CNTN6: variants seen among roughly 807,000 people sequenced by gnomAD.
CNTN6 encodes the protein contactin 6.
A neutral mutation model predicts 122.8 loss-of-function variants in CNTN6; 137 were observed. The ratio of observed to expected loss-of-function variants is 1.12; its 90% confidence interval spans 0.97 to 1.29. CNTN6 has a LOEUF of 1.29. Ranked by LOEUF, CNTN6 falls within the 50% of genes most tolerant of loss-of-function variation. The pLI is 0.00. For missense variants in CNTN6, 1,634 were observed against 1,223.4 expected, an observed-to-expected ratio of 1.34 and a Z score of -5.01; for synonymous variants, 570 against 426.0, an observed-to-expected ratio of 1.34 and a Z score of -4.16.
chr3:1,383,159 T>A lies in CNTN6; in HGVS notation c.2384T>A (p.Val795Asp). The change falls in exon 18 of 23, where the codon GTC becomes GAC. Residue 795 changes from valine to aspartate, a missense_variant. By Grantham distance (152) the Val-to-Asp change is radical (BLOSUM62 -3). Coordinates refer to ENST00000446702, the MANE Select transcript of CNTN6 (RefSeq NM_001289080.2). ...GGATCCCTGAGTACTGTGACCATTG[T>A]CTACTCTGGGGAAGATGGTAAGTTG... ...GEGSLSTVTIVYSGEDEPQLA... is the reference protein window; with the variant it reads ...GEGSLSTVTIDYSGEDEPQLA... The A allele has an allele frequency of 6.2e-7, 1 of 1,613,410 alleles. No individual in the cohort carries two copies. The highest frequency in any genetic ancestry group is 8.5e-7 in the Non-Finnish European group (1 of 1,179,378).
At chr3:1,367,616 A>C (rs1708420599) in intron 12 of CNTN6, among the ~76,000 whole-genome samples, 1 of 152,052 alleles carries the variant, frequency 6.6e-6, no homozygotes, top group Non-Finnish European at 1.5e-5. Context: ...CTGCTTCACC[A>C]TACCCACATG....
intron 7 of CNTN6, among the ~76,000 whole-genome samples, chr3:1,310,808 C>T (rs998530699): frequency 2.6e-5 from 4 of 152,098 alleles, no homozygotes; most frequent in African/African-American, 9.7e-5. Flanking sequence ...TTGAGACTAG[C>T]CTGCCCAATA....
At chr3:1,188,665 G>C (rs921441173) in intron 2 of CNTN6, among the ~76,000 whole-genome samples, 1 of 152,120 alleles carries the variant, frequency 6.6e-6, no homozygotes, top group South Asian at 2.1e-4. Context: ...AATATCAAAA[G>C]TGAATATTGC....
At chr3:1,335,624 A>G (rs533885590) in intron 11 of CNTN6, among the ~76,000 whole-genome samples, 1 of 152,284 alleles carries the variant, frequency 6.6e-6, no homozygotes, top group South Asian at 2.1e-4. Context: ...CATTAAATAC[A>G]ATTCCTGAAT....
At position 1,208,814 on chromosome 3, in the gene CNTN6, A is replaced by T. The variant is rs559721725; in HGVS notation, c.56-11873A>T. Reference sequence around the variant, plus strand: ...TAAGATAATTCATATTACAAGTTTAACTTGATTCCTGGCACTTACTATGCT... The same window carrying T: ...TAAGATAATTCATATTACAAGTTTATCTTGATTCCTGGCACTTACTATGCT... On this transcript the variant is annotated intron_variant, in intron 2 of 22. Transcript: ENST00000446702. 1.9e-4 allele frequency among the ~76,000 whole-genome samples: 29 copies of T among 152,260 alleles called. No individual in the cohort carries two copies. The South Asian group carries it at 4.8e-3, about 25-fold the overall frequency.
At chr3:1,113,160 G>T (rs1044400149) in intron 1 of CNTN6, among the ~76,000 whole-genome samples, 2 of 152,150 alleles carry the variant, frequency 1.3e-5, no homozygotes, top group Non-Finnish European at 2.9e-5. Flanking sequence ...TGGAAAGCAT[G>T]GCTGTGGTAG....
chr3:1,097,505 A>T (rs772160903), intron 1 of CNTN6, among the ~76,000 whole-genome samples: 1 of 152,230 alleles, frequency 6.6e-6, no homozygotes, highest in Non-Finnish European at 1.5e-5. Flanking sequence ...GCAAATAGCA[A>T]TTTCTCAGTG....
Position 1,385,762 on chromosome 3 carries a change from C to G in CNTN6, c.2669C>G (p.Ser890Ter). 6.2e-7 allele frequency: 1 copy of G among 1,612,748 alleles called. No homozygotes were observed. The highest frequency in any genetic ancestry group is 8.5e-7 in the Non-Finnish European group (1 of 1,179,480). ...RAYNTAGTGP[S>*]SPPVNVTTKK... is the part of the protein sequence containing the mutation. ...TACAACACTGCTGGGACAGGGCCCTCAAGCCCCCCAGTCAATGTTACCACC... is the reference window on the plus strand; with the variant it reads ...TACAACACTGCTGGGACAGGGCCCTGAAGCCCCCCAGTCAATGTTACCACC... Residue 890 changes from serine (S) to a stop codon, truncating the protein, a stop_gained, in exon 20 of 23, where the codon TCA becomes TGA. Coordinates refer to ENST00000446702, the MANE Select transcript of CNTN6 (RefSeq NM_001289080.2). LOFTEE classifies it high-confidence loss of function.
Position 1,373,706 on chromosome 3 carries a change from T to G in CNTN6, c.1889T>G (p.Ile630Arg), listed in dbSNP as rs765188541. Residue 630 changes from isoleucine (I) to arginine (R), a missense_variant, in exon 15 of 23, where the codon ATA becomes AGA. Physicochemically the swap from Ile to Arg is moderately conservative, Grantham distance 97 (BLOSUM62 -3). Transcript: ENST00000446702. The stretch of plus-strand genomic sequence containing the variant: ...CCAGATAATAACAGTCCCATTCAAA[T>G]ATTTACTATTCAGACTCGGACACCA... ...AGPDNNSPIQIFTIQTRTPFS... is the reference protein window; with the variant it reads ...AGPDNNSPIQRFTIQTRTPFS... 2 of 1,613,102 alleles carry G rather than the reference T, an allele frequency of 1.2e-6. No individual in the cohort carries two copies. The highest frequency in any genetic ancestry group is 1.7e-6 in the Non-Finnish European group (2 of 1,179,330).
At chr3:1,401,029 G>C (rs545754960) in intron 20 of CNTN6, among the ~76,000 whole-genome samples, 1 of 152,028 alleles carries the variant, frequency 6.6e-6, no homozygotes, top group Non-Finnish European at 1.5e-5. Flanking sequence ...AGAATTTTAG[G>C]AATGAACATC....
At chr3:1,255,701 TCTCA>T (rs1361462162) in intron 4 of CNTN6, among the ~76,000 whole-genome samples, 3 of 152,044 alleles carry the variant, frequency 2.0e-5, no homozygotes. Flanking sequence ...AGAGTCAAGG[TCTCA>T]CTCTATTGCC....
At chr3:1,112,685 A>C (rs1174480516) in intron 1 of CNTN6, among the ~76,000 whole-genome samples, 1 of 152,164 alleles carries the variant, frequency 6.6e-6, no homozygotes, top group Non-Finnish European at 1.5e-5. Flanking sequence ...CCTTGCAGAC[A>C]CGCCCAAAAA....
chr3:1,245,279 A>ATAT (rs1490102795), intron 4 of CNTN6, among the ~76,000 whole-genome samples: 5 of 5,138 alleles, frequency 9.7e-4, no homozygotes, highest in African/African-American at 6.3e-4. Flanking sequence ...ATATATACAC[A>ATAT]CACATATATA....
chr3:1,254,702 A>T (rs1225220845), intron 4 of CNTN6, among the ~76,000 whole-genome samples: 2 of 152,192 alleles, frequency 1.3e-5, no homozygotes, highest in East Asian at 3.9e-4. Context: ...AGAGACTAAA[A>T]TGAAAAAGTT....
chr3:1,212,423 G>T (rs911159035), intron 2 of CNTN6, among the ~76,000 whole-genome samples: 1 of 150,704 alleles, frequency 6.6e-6, no homozygotes. Flanking sequence ...ACAATGTATA[G>T]TAGTATGTAT....
At chr3:1,305,363 G>A (rs934009297) in intron 7 of CNTN6, among the ~76,000 whole-genome samples, 1 of 152,118 alleles carries the variant, frequency 6.6e-6, no homozygotes, top group Non-Finnish European at 1.5e-5. Context: ...TATGACTTTG[G>A]GGATATGTAA....
At chr3:1,286,414 T>C (rs1013179526) in intron 5 of CNTN6, among the ~76,000 whole-genome samples, 1 of 152,134 alleles carries the variant, frequency 6.6e-6, no homozygotes, top group African/African-American at 2.4e-5. Context: ...GTTCTCATTG[T>C]TCAACTCTCA....
intron 4 of CNTN6, among the ~76,000 whole-genome samples, chr3:1,270,354 A>T (rs1235474655): frequency 6.6e-6 from 1 of 152,226 alleles, no homozygotes; most frequent in Admixed American, 6.5e-5. Flanking sequence ...CAAATTTAGA[A>T]TAACCTCACT....
chr3:1,402,572 G>A, intron 22 of CNTN6, 86 bp downstream of exon 22: 2 of 1,117,534 alleles, frequency 1.8e-6, no homozygotes, highest in South Asian at 1.9e-5. Context: ...TTCCAGTTAT[G>A]GCTTAAATGT....
Sources: gnomAD v4.1 joint callset for allele counts (sites outside exome capture counted in the v4.1 genomes callset) on GRCh38, gnomAD v4.1.1 for gene constraint, MANE v1.5 for transcripts, NCBI Gene and HGNC (gene_info 2026-07-23, HGNC 2026-07-21) for gene names.